Variants in ST6GALNAC5 observed in about 807,000 individuals in gnomAD.
ST6GALNAC5 encodes the protein alpha-N-acetylgalactosaminide alpha-2,6-sialyltransferase 5.
In ST6GALNAC5, 27 loss-of-function variants were observed where a neutral mutation model predicts 33.6. The observed-to-expected ratio is 0.80, with a 90% CI of 0.59 to 1.11. ST6GALNAC5 has a LOEUF of 1.11. Ranked by LOEUF, ST6GALNAC5 falls within the 50% of genes least tolerant of loss-of-function variation. The pLI is 0.00. For missense variants in ST6GALNAC5, 428 were observed against 454.0 expected (o/e 0.94, Z 0.52); for synonymous variants, 194 against 171.2 (o/e 1.13, Z -1.04).
At chr1:76,884,417 T>C (rs1340727419) in intron 2 of ST6GALNAC5, among the ~76,000 whole-genome samples, 4 of 152,070 alleles carry the variant, frequency 2.6e-5, no homozygotes, top group Non-Finnish European at 5.9e-5. Flanking sequence ...GACTCCATAA[T>C]GCATATTGGT....
chr1:77,036,353 C>A (rs527540524), intron 2 of ST6GALNAC5, among the ~76,000 whole-genome samples: 2 of 152,216 alleles, frequency 1.3e-5, no homozygotes, highest in East Asian at 3.9e-4. Flanking sequence ...GGTTGCCCAA[C>A]TCTCTAAATA....
intron 2 of ST6GALNAC5, among the ~76,000 whole-genome samples, chr1:76,996,428 C>A (rs1649942293): frequency 6.6e-6 from 1 of 152,210 alleles, no homozygotes; most frequent in Non-Finnish European, 1.5e-5. Flanking sequence ...AAACAACTCA[C>A]AATCTAATGC....
intron 2 of ST6GALNAC5, among the ~76,000 whole-genome samples, chr1:77,025,755 G>C (rs537643797): frequency 6.6e-6 from 1 of 152,114 alleles, no homozygotes; most frequent in South Asian, 2.1e-4. Flanking sequence ...ACTGTGCCGG[G>C]TCATCCAGTC....
At chr1:76,886,608 C>T (rs1653901898) in intron 2 of ST6GALNAC5, among the ~76,000 whole-genome samples, 2 of 152,168 alleles carry the variant, frequency 1.3e-5, no homozygotes, top group Admixed American at 1.3e-4. Flanking sequence ...GCCGCCTGAG[C>T]TCTCCTTTGG....
intron 2 of ST6GALNAC5, among the ~76,000 whole-genome samples, chr1:77,013,106 AC>A (rs1182537745): frequency 1.1e-4 from 17 of 152,158 alleles, no homozygotes; most frequent in African/African-American, 4.1e-4. Context: ...AGGCAAGGGC[AC>A]CCCACAGTCC....
chr1:77,044,541 A>G lies in ST6GALNAC5; in HGVS notation c.599A>G (p.Lys200Arg), dbSNP rs1651945615. Residue 200 changes from lysine to arginine, a missense_variant, in exon 3 of 5, where the codon AAG becomes AGG. Coordinates refer to ENST00000477717, the MANE Select transcript of ST6GALNAC5 (RefSeq NM_030965.3). ...HLLSQVLPRL[K>R]AFMITRHKML... ...CTGAGCCAGGTGCTGCCCCGGCTGA[A>G]GGCCTTCATGATTACTCGCCACAAG... 2 of 1,607,022 alleles carry G rather than the reference A, an allele frequency of 1.2e-6. No individual in the cohort carries two copies. The highest frequency in any genetic ancestry group is 1.7e-6 in the Non-Finnish European group (2 of 1,175,980).
chr1:76,997,352 G>A (rs1649978879), intron 2 of ST6GALNAC5, among the ~76,000 whole-genome samples: 1 of 152,172 alleles, frequency 6.6e-6, no homozygotes, highest in Non-Finnish European at 1.5e-5. Context: ...AACTCAATAA[G>A]GTTGTGAGGG....
At chr1:76,896,855 A>G (rs55928549) in intron 2 of ST6GALNAC5, among the ~76,000 whole-genome samples, 5,708 of 152,190 alleles carry the variant, frequency 0.038, 241 homozygotes, top group African/African-American at 0.11. Context: ...AGTGGCAGCC[A>G]CTGCATGCAG....
chr1:77,011,057 G>T (rs1253054865), intron 2 of ST6GALNAC5, among the ~76,000 whole-genome samples: 1 of 109,322 alleles, frequency 9.1e-6, no homozygotes, highest in Admixed American at 8.2e-5. Context: ...CCTCTGAAAA[G>T]CAGGGGACAG....
At chr1:77,015,792 G>C (rs975115109) in intron 2 of ST6GALNAC5, among the ~76,000 whole-genome samples, 26 of 151,968 alleles carry the variant, frequency 1.7e-4, no homozygotes, top group Non-Finnish European at 2.4e-4. Flanking sequence ...CAGGCAGAGG[G>C]AACAGCATAT....
chr1:76,894,540 A>G (rs1042210025), intron 2 of ST6GALNAC5, among the ~76,000 whole-genome samples: 2 of 152,180 alleles, frequency 1.3e-5, no homozygotes, highest in African/African-American at 4.8e-5. Flanking sequence ...TTCCCTGAGG[A>G]CTTGATAGGC....
chr1:76,961,706 A>G (rs1157186235), intron 2 of ST6GALNAC5, among the ~76,000 whole-genome samples: 2 of 152,162 alleles, frequency 1.3e-5, no homozygotes, highest in Non-Finnish European at 1.5e-5. Flanking sequence ...ATGCTTGGAT[A>G]TCTTTCAGAT....
intron 2 of ST6GALNAC5, among the ~76,000 whole-genome samples, chr1:76,922,464 T>A (rs1319591436): frequency 6.6e-6 from 1 of 152,172 alleles, no homozygotes; most frequent in Non-Finnish European, 1.5e-5. Flanking sequence ...ATGTAATTCC[T>A]ATCAAAATAC....
At chr1:77,012,499 G>A (rs530622772) in intron 2 of ST6GALNAC5, among the ~76,000 whole-genome samples, 4 of 152,242 alleles carry the variant, frequency 2.6e-5, no homozygotes, top group Admixed American at 1.3e-4. Context: ...TAGGGGACAC[G>A]AAATGCAAGC....
At chr1:77,049,431 G>A (rs1483795849) in intron 3 of ST6GALNAC5, among the ~76,000 whole-genome samples, 1 of 152,164 alleles carries the variant, frequency 6.6e-6, no homozygotes, top group Non-Finnish European at 1.5e-5. Flanking sequence ...CAGTAGTGTA[G>A]CATGGTAGGC....
chr1:76,985,741 A>G (rs1450710302), intron 2 of ST6GALNAC5, among the ~76,000 whole-genome samples: 2 of 152,234 alleles, frequency 1.3e-5, no homozygotes, highest in Admixed American at 1.3e-4. Context: ...GCATCATGCT[A>G]CCTGACTTCA....
intron 2 of ST6GALNAC5, among the ~76,000 whole-genome samples, chr1:77,039,204 C>T (rs1262222111): frequency 1.3e-5 from 2 of 152,340 alleles, no homozygotes; most frequent in African/African-American, 4.8e-5. Flanking sequence ...AGAACAGTCA[C>T]TCTTCCATGT....
chr1:77,005,616 A>G (rs2100417444), intron 2 of ST6GALNAC5, among the ~76,000 whole-genome samples: 1 of 152,290 alleles, frequency 6.6e-6, no homozygotes, highest in South Asian at 2.1e-4. Context: ...GTACACTCAC[A>G]TTGTTGTGCA....
In ST6GALNAC5 at chr1:77,053,658, TATC is replaced by T. The variant is rs1257699936; in HGVS notation, c.779+3296_779+3298del. On this transcript the variant is annotated intron_variant, in intron 4 of 4. Transcript: ENST00000477717. ...TTACCCACAAAATGGTGATGACAATTATCATATAAACTCTCTTGCATTGAGAGT... is the reference window on the plus strand; with the variant it reads ...TTACCCACAAAATGGTGATGACAATTATATAAACTCTCTTGCATTGAGAGT... 6.6e-5 allele frequency among the ~76,000 whole-genome samples: 10 copies of T among 152,286 alleles called. 1 individual carries two copies. The highest frequency in any genetic ancestry group is 2.2e-4 in the African/African-American group (9 of 41,554).
Sources: gnomAD v4.1 joint callset for allele counts (sites outside exome capture counted in the v4.1 genomes callset) on GRCh38, gnomAD v4.1.1 for gene constraint, MANE v1.5 for transcripts, NCBI Gene and HGNC (gene_info 2026-07-23, HGNC 2026-07-21) for gene names.